The following AGR3 variants were observed in gnomAD, a reference collection of about 807,000 sequenced individuals.
The protein encoded by AGR3 is anterior gradient 3, protein disulphide isomerase family member, also known as anterior gradient protein 3.
A neutral mutation model predicts 24.5 loss-of-function variants in AGR3; 37 were observed. The observed-to-expected ratio is 1.51, with a 90% confidence interval of 1.16 to 1.99. The LOEUF (loss-of-function observed/expected upper bound fraction) is 1.99, where lower values mean the gene tolerates loss of function less well. AGR3 is among the 30% of genes most tolerant of loss of function. The probability of loss-of-function intolerance (pLI) is 0.00; values close to 1 mark genes in which losing one functional copy is unlikely to be tolerated. For missense variants in AGR3, 228 were observed against 191.1 expected, an observed-to-expected ratio of 1.19 and a Z score of -1.14; for synonymous variants, 75 against 61.6, an observed-to-expected ratio of 1.22 and a Z score of -1.02.
chr7:16,863,356 G>C (rs1394976654), intron 3 of AGR3, among the ~76,000 whole-genome samples: 1 of 152,014 alleles, frequency 6.6e-6, no homozygotes, highest in African/African-American at 2.4e-5. Context: ...GTTAATATTT[G>C]GCTATTTTCA....
intron 1 of AGR3, 36 bp downstream of exon 1, chr7:16,881,908 C>T (rs1271705706): frequency 2.1e-6 from 1 of 470,720 alleles, no homozygotes; most frequent in Non-Finnish European, 4.4e-6. Context: ...AAAGCTTGAC[C>T]ACTGATTAAG....
chr7:16,867,021 G>C (rs530900016), intron 3 of AGR3, among the ~76,000 whole-genome samples: 1 of 152,222 alleles, frequency 6.6e-6, no homozygotes, highest in African/African-American at 2.4e-5. Flanking sequence ...GGCCAGGGGA[G>C]CATCTACAGG....
intron 3 of AGR3, among the ~76,000 whole-genome samples, chr7:16,863,946 T>A (rs1316801989): frequency 6.6e-6 from 1 of 152,166 alleles, no homozygotes; most frequent in East Asian, 1.9e-4. Flanking sequence ...ATAAAGTTTT[T>A]GCATTCTGAA....
At chr7:16,855,316 C>T (rs1017345560), downstream of AGR3, among the ~76,000 whole-genome samples, 8 of 151,948 alleles carry the variant, frequency 5.3e-5, no homozygotes, top group African/African-American at 1.7e-4. Flanking sequence ...GTGAAAGGGA[C>T]ACAATTCAAC....
chr7:16,854,790 G>A (rs1487166737), downstream of AGR3, among the ~76,000 whole-genome samples: 4 of 152,126 alleles, frequency 2.6e-5, no homozygotes, highest in Admixed American at 6.6e-5. Context: ...AATCTTTTCC[G>A]TGCCTGTCAT....
intron 2 of AGR3, among the ~76,000 whole-genome samples, chr7:16,877,714 T>G (rs1233394154): frequency 6.6e-6 from 1 of 151,892 alleles, no homozygotes; most frequent in Non-Finnish European, 1.5e-5. Flanking sequence ...CTACAAAAAA[T>G]TAGCCGGGCA....
downstream of AGR3, among the ~76,000 whole-genome samples, chr7:16,858,082 G>C (rs1454888693): frequency 6.6e-6 from 1 of 151,498 alleles, no homozygotes; most frequent in Non-Finnish European, 1.5e-5. Context: ...CCACCTCCCA[G>C]GTTCAAGTGA....
At chr7:16,880,052 C>CCCTTCCCCTTCCTT (rs537802846) in intron 1 of AGR3, among the ~76,000 whole-genome samples, 167 of 131,020 alleles carry the variant, frequency 1.3e-3, no homozygotes, top group African/African-American at 4.8e-3. Context: ...CTCCCTCCTT[C>CCCTTCCCCTTCCTT]CCTTCCCCTT....
At chr7:16,870,974 AAT>A (rs1781854231) in intron 3 of AGR3, among the ~76,000 whole-genome samples, 1 of 152,162 alleles carries the variant, frequency 6.6e-6, no homozygotes, top group African/African-American at 2.4e-5. Flanking sequence ...AGCTTTTAAT[AAT>A]ATGTTTCTCA....
chr7:16,861,277 A>G (rs1781637595), intron 6 of AGR3, 107 bp downstream of exon 6: 1 of 771,322 alleles, frequency 1.3e-6, no homozygotes, highest in Non-Finnish European at 2.0e-6. Context: ...ATTAGAAATG[A>G]CTTCTCTTTA....
At chr7:16,865,474 C>T in intron 3 of AGR3, 1 of 748,352 alleles carries the variant, frequency 1.3e-6, no homozygotes. Flanking sequence ...GTAGAATGCT[C>T]TTCCCGAATT....
chr7:16,871,161 A>C (rs1781856880), intron 3 of AGR3, among the ~76,000 whole-genome samples: 1 of 152,214 alleles, frequency 6.6e-6, no homozygotes. Context: ...TCAAACAGGC[A>C]GGCCTTAGAA....
intron 3 of AGR3, chr7:16,864,471 A>C: frequency 7.9e-7 from 1 of 1,269,842 alleles, no homozygotes; most frequent in Non-Finnish European, 1.2e-6. Flanking sequence ...CTTCATCTCC[A>C]CTGTCAGGGT....
chr7:16,878,712 CT>C lies in AGR3; in HGVS notation c.-27-68del, dbSNP rs1330488935. 4.0e-6 allele frequency: 5 copies of C among 1,256,334 alleles called. No homozygotes were observed. The Admixed American group carries it at 9.2e-5, about 23-fold the overall frequency. The allele number at this position is 1,256,334 out of a possible 1,614,324, so 77.8% of individuals were successfully genotyped here. On this transcript the variant is annotated intron_variant, in intron 1 of 7. Transcript: ENST00000310398. ...TCAAGCTATTATTAGAAGATATTTG[CT>C]AAGAGTTGGACCAATACTGTGATGA...
chr7:16,880,780 T>C (rs893284183), intron 1 of AGR3, among the ~76,000 whole-genome samples: 3 of 152,098 alleles, frequency 2.0e-5, no homozygotes, highest in African/African-American at 7.2e-5. Context: ...GGGTGGATTT[T>C]AGTACAGGAC....
intron 3 of AGR3, chr7:16,865,055 C>G (rs1169710611): frequency 1.3e-6 from 1 of 791,808 alleles, no homozygotes; most frequent in African/African-American, 1.7e-5. Context: ...GAGAGGGCAA[C>G]CAAGATGAGT....
chr7:16,854,740 G>A (rs973707686), downstream of AGR3, among the ~76,000 whole-genome samples: 1 of 152,168 alleles, frequency 6.6e-6, no homozygotes, highest in Non-Finnish European at 1.5e-5. Flanking sequence ...TGAGATCAAG[G>A]TGTTGGCAGG....
At chr7:16,865,633 A>C in intron 3 of AGR3, 1 of 767,482 alleles carries the variant, frequency 1.3e-6, no homozygotes, top group South Asian at 1.4e-5. Context: ...GTAAATCTTC[A>C]ACCAGAATTA....
At chr7:16,856,838 T>TACACAC (rs111311358), downstream of AGR3, among the ~76,000 whole-genome samples, 2 of 149,742 alleles carry the variant, frequency 1.3e-5, no homozygotes, top group Non-Finnish European at 3.0e-5. Flanking sequence ...CCTATATGTA[T>TACACAC]ACACACACAC....
Sources: gnomAD v4.1 joint callset for allele counts (sites outside exome capture counted in the v4.1 genomes callset) on GRCh38, gnomAD v4.1.1 for gene constraint, MANE v1.5 for transcripts, NCBI Gene and HGNC (gene_info 2026-07-23, HGNC 2026-07-21) for gene names.